Variants in FBXW10B observed in about 807,000 individuals in gnomAD.
The protein encoded by FBXW10B is F-box and WD repeat domain containing protein 10B.
the FBXW10B span, chr17:15,574,167 G>C: frequency 2.7e-6 from 2 of 745,002 alleles, no homozygotes; most frequent in Non-Finnish European, 4.9e-6. Flanking sequence ...CATTTACTTT[G>C]GTTATTTAGT....
At chr17:15,600,556 G>T in the FBXW10B span, among the ~76,000 whole-genome samples, 2 of 150,274 alleles carry the variant, frequency 1.3e-5, no homozygotes, top group Non-Finnish European at 1.5e-5. Flanking sequence ...GAACTTTCCA[G>T]ATTTAGTAAA....
chr17:15,592,295 G>GTTTTTTTTTTTTTTTTTTTTTTTTT, the FBXW10B span, among the ~76,000 whole-genome samples: 1 of 107,698 alleles, frequency 9.3e-6, no homozygotes, highest in Non-Finnish European at 1.9e-5. Flanking sequence ...AATGGCCAGA[G>GTTTTTTTTTTTTTTTTTTTTTTTTT]TTTTTTTTTT....
the FBXW10B span, among the ~76,000 whole-genome samples, chr17:15,597,191 TCTG>T: frequency 6.6e-6 from 1 of 151,610 alleles, no homozygotes; most frequent in South Asian, 2.1e-4. Flanking sequence ...TACTTCTGAA[TCTG>T]ACTTTTCAAT....
chr17:15,579,768 T>C, the FBXW10B span, among the ~76,000 whole-genome samples: 1 of 152,376 alleles, frequency 6.6e-6, no homozygotes, highest in South Asian at 2.1e-4. Context: ...AAAAGTCAGG[T>C]AATTTAAATT....
At chr17:15,591,056 T>C in the FBXW10B span, among the ~76,000 whole-genome samples, 1 of 151,882 alleles carries the variant, frequency 6.6e-6, no homozygotes, top group African/African-American at 2.4e-5. Flanking sequence ...ACCACTGTTG[T>C]GCAGTGTTGT....
the FBXW10B span, among the ~76,000 whole-genome samples, chr17:15,618,241 T>C: frequency 3.7e-4 from 56 of 152,062 alleles, no homozygotes; most frequent in Non-Finnish European, 6.9e-4. Flanking sequence ...GGCAGGAGAA[T>C]TGCTTGAACC....
At chr17:15,580,328 T>C in the FBXW10B span, among the ~76,000 whole-genome samples, 8 of 152,178 alleles carry the variant, frequency 5.3e-5, no homozygotes, top group Non-Finnish European at 1.0e-4. Context: ...TGTTCTTATA[T>C]AAATTCAATC....
At chr17:15,573,419 T>C in the FBXW10B span, 1 of 152,224 alleles carries the variant, frequency 6.6e-6, no homozygotes, top group South Asian at 2.1e-4. Context: ...CATCTAAATA[T>C]AGGCTTTTCT....
the FBXW10B span, among the ~76,000 whole-genome samples, chr17:15,611,556 G>T: frequency 1.3e-5 from 2 of 152,078 alleles, no homozygotes; most frequent in African/African-American, 4.8e-5. Flanking sequence ...CAGCCACACC[G>T]TCCGCTACTC....
the FBXW10B span, among the ~76,000 whole-genome samples, chr17:15,584,969 T>TTC: frequency 0.046 from 373 of 8,176 alleles, no homozygotes; most frequent in Non-Finnish European, 0.15. Context: ...CTTCTTCTTC[T>TTC]TTTTTTTTTT....
chr17:15,611,195 T>G, the FBXW10B span, among the ~76,000 whole-genome samples: 1 of 152,028 alleles, frequency 6.6e-6, no homozygotes, highest in African/African-American at 2.4e-5. Flanking sequence ...GCTAATTTTT[T>G]GTATTTTTAG....
the FBXW10B span, among the ~76,000 whole-genome samples, chr17:15,581,838 C>G: frequency 5.4e-5 from 8 of 148,234 alleles, no homozygotes; most frequent in Non-Finnish European, 1.5e-5. Flanking sequence ...GAGGATCTAC[C>G]CAGAAATTCC....
chr17:15,618,526 T>C, the FBXW10B span, among the ~76,000 whole-genome samples: 2 of 148,450 alleles, frequency 1.3e-5, no homozygotes, highest in African/African-American at 2.5e-5. Context: ...TTTCATTTCA[T>C]GGATAAGCAA....
the FBXW10B span, among the ~76,000 whole-genome samples, chr17:15,567,054 G>A: frequency 2.0e-5 from 3 of 150,996 alleles, no homozygotes; most frequent in African/African-American, 4.9e-5. Flanking sequence ...GGTGGATCAC[G>A]AGGTCAGGCG....
chr17:15,604,411 G>A, the FBXW10B span, among the ~76,000 whole-genome samples: 1 of 152,150 alleles, frequency 6.6e-6, no homozygotes, highest in Non-Finnish European at 1.5e-5. Context: ...ACCTCTGGTT[G>A]GCAGGAAGAA....
At chr17:15,610,813 A>G in the FBXW10B span, among the ~76,000 whole-genome samples, 1 of 152,118 alleles carries the variant, frequency 6.6e-6, no homozygotes, top group Non-Finnish European at 1.5e-5. Context: ...TGTATCACCC[A>G]AGGAAGAAGG....
chr17:15,601,007 C>G, the FBXW10B span, among the ~76,000 whole-genome samples: 2 of 116,940 alleles, frequency 1.7e-5, no homozygotes, highest in Non-Finnish European at 3.3e-5. Flanking sequence ...GCCGAGATCG[C>G]GTCACAGCAC....
chr17:15,611,917 A>G, the FBXW10B span, among the ~76,000 whole-genome samples: 2 of 152,194 alleles, frequency 1.3e-5, no homozygotes, highest in Non-Finnish European at 2.9e-5. Flanking sequence ...CTTCCATCCT[A>G]GAGCCAGAGT....
At chr17:15,601,196 T>G in the FBXW10B span, among the ~76,000 whole-genome samples, 1 of 148,646 alleles carries the variant, frequency 6.7e-6, no homozygotes, top group African/African-American at 2.5e-5. Context: ...GATCACAAGG[T>G]CAGGAGATCG....
Sources: gnomAD v4.1 joint callset for allele counts (sites outside exome capture counted in the v4.1 genomes callset) on GRCh38, gnomAD v4.1.1 for gene constraint, MANE v1.5 for transcripts, NCBI Gene and HGNC (gene_info 2026-07-23, HGNC 2026-07-21) for gene names.